YTHDC1: variants seen among roughly 807,000 people sequenced by gnomAD.
The protein encoded by YTHDC1 is YTH domain-containing protein 1.
YTHDC1 carries 12 observed loss-of-function variants against 107.0 expected under a neutral mutation model. The observed-to-expected ratio is 0.11, with a 90% confidence interval of 0.07 to 0.18. The LOEUF is 0.18. YTHDC1 is among the 10% of genes least tolerant of loss of function. YTHDC1 has a pLI of 1.00. For missense variants in YTHDC1, 635 were observed against 898.8 expected, an observed-to-expected ratio of 0.71 and a Z score of 3.75; for synonymous variants, 280 against 289.5, an observed-to-expected ratio of 0.97 and a Z score of 0.33.
chr4:68,318,504 T>G lies in YTHDC1; in HGVS notation c.1824+15A>C, dbSNP rs750184542. Reference sequence around the variant, plus strand: ...AATTAAGTTATGTAACTTATAAAAATAGAATAATACAAACCATTCCTTGCC... The same window carrying G: ...AATTAAGTTATGTAACTTATAAAAAGAGAATAATACAAACCATTCCTTGCC... On this transcript the variant is annotated intron_variant, in intron 15 of 16. Coordinates refer to ENST00000344157, the MANE Select transcript of YTHDC1 (RefSeq NM_001031732.4). The G allele has an allele frequency of 2.5e-6, 4 of 1,590,732 alleles. No individual in the cohort carries two copies. Among genetic ancestry groups the G allele is most frequent in the Non-Finnish European group, 3.4e-6 (4 of 1,170,556 alleles).
intron 9 of YTHDC1, among the ~76,000 whole-genome samples, chr4:68,324,462 C>T (rs1222746888): frequency 6.6e-6 from 1 of 152,168 alleles, no homozygotes; most frequent in African/African-American, 2.4e-5. Context: ...GGGGCTTAAA[C>T]CCCAGCCTGC....
intron 8 of YTHDC1, 32 bp from the exon 9 acceptor site, chr4:68,330,151 G>A (rs1723420878): frequency 6.3e-7 from 1 of 1,579,366 alleles, no homozygotes; most frequent in Non-Finnish European, 8.7e-7. Context: ...ATAATATGTA[G>A]ATGCTAATAT....
chr4:68,330,320 T>C lies in YTHDC1; in HGVS notation c.1123-10A>G. On this transcript the variant is annotated splice_polypyrimidine_tract_variant and intron_variant, in intron 7 of 16. Coordinates refer to ENST00000344157, the MANE Select transcript of YTHDC1 (RefSeq NM_001031732.4). ...GCGTGGACCATACACCCTACATAAA[T>C]AACATAAAGACCACAAAGTGAAATT... 10 of 1,496,366 alleles carry C rather than the reference T, an allele frequency of 6.7e-6. No individual in the cohort carries two copies. The highest frequency in any genetic ancestry group is 9.0e-6 in the Non-Finnish European group (10 of 1,113,594). The allele number at this position is 1,496,366 out of a possible 1,614,324, so 92.7% of individuals were successfully genotyped here.
intron 15 of YTHDC1, among the ~76,000 whole-genome samples, 192 bp downstream of exon 15, chr4:68,318,327 C>T (rs1165866036): frequency 2.0e-5 from 3 of 152,160 alleles, no homozygotes; most frequent in Non-Finnish European, 4.4e-5. Context: ...AGGCTGGTCT[C>T]GAACTCTTCA....
Position 68,332,833 on chromosome 4 carries a change from G to A in YTHDC1, c.988C>T (p.His330Tyr), listed in dbSNP as rs1723744041. The stretch of plus-strand genomic sequence containing the variant: ...CGAACGGAAGATGATAATTTCTCAT[G>A]CTTCTTTTCTGAACCTGTATTTAGC... ...SESYAGSEKK[H>Y]EKLSSSVRAV... The change falls in exon 6 of 17, where the codon CAT becomes TAT. Residue 330 changes from histidine (H) to tyrosine (Y), a missense_variant. His to Tyr is a moderately conservative substitution (Grantham distance 83). Coordinates refer to ENST00000344157, the MANE Select transcript of YTHDC1 (RefSeq NM_001031732.4). The A allele has an allele frequency of 6.2e-7, 1 of 1,613,062 alleles. No individual in the cohort carries two copies. The highest frequency in any genetic ancestry group is 1.7e-5 in the Admixed American group (1 of 59,944).
intron 1 of YTHDC1, among the ~76,000 whole-genome samples, chr4:68,346,251 A>C (rs1173745818): frequency 6.6e-6 from 1 of 151,848 alleles, no homozygotes; most frequent in Non-Finnish European, 1.5e-5. Flanking sequence ...CCTCGTCTCT[A>C]CTAAAAATAA....
At chr4:68,329,313 A>C (rs1386659829) in intron 9 of YTHDC1, among the ~76,000 whole-genome samples, 2 of 152,146 alleles carry the variant, frequency 1.3e-5, no homozygotes, top group African/African-American at 2.4e-5. Context: ...CATCATATGC[A>C]TAGCATTTTT....
chr4:68,319,883 T>C (rs1213662193), intron 12 of YTHDC1, among the ~76,000 whole-genome samples: 2 of 152,074 alleles, frequency 1.3e-5, no homozygotes, highest in African/African-American at 4.8e-5. Context: ...TTTGCAAAAT[T>C]AGCAATTTCA....
intron 15 of YTHDC1, among the ~76,000 whole-genome samples, chr4:68,318,224 G>A (rs1033450725): frequency 7.9e-5 from 12 of 152,032 alleles, no homozygotes; most frequent in African/African-American, 1.9e-4. Flanking sequence ...CAGCCTCCCC[G>A]AGTAGCTGGG....
At chr4:68,329,934 T>G in intron 9 of YTHDC1, 68 bp downstream of exon 9, 2 of 1,205,598 alleles carry the variant, frequency 1.7e-6, no homozygotes, top group Non-Finnish European at 2.4e-6. Context: ...TTTTTCACTT[T>G]AACACATTAT....
intron 11 of YTHDC1, among the ~76,000 whole-genome samples, chr4:68,320,734 G>T (rs1368248866): frequency 1.3e-5 from 2 of 152,004 alleles, no homozygotes; most frequent in Non-Finnish European, 2.9e-5. Flanking sequence ...AATTTTACAT[G>T]ATCATACAGA....
In YTHDC1 at chr4:68,322,906, G is replaced by T; in HGVS notation, c.1444C>A (p.Leu482Ile). 6.2e-7 allele frequency: 1 copy of T among 1,613,402 alleles called. No homozygotes were observed. The change falls in exon 11 of 17, where the codon CTT (leucine) becomes ATT (isoleucine). Residue 482 changes from leucine (L) to isoleucine (I), a missense_variant. Coordinates refer to ENST00000344157, the MANE Select transcript of YTHDC1 (RefSeq NM_001031732.4). This position sits in a 1 kb window ranked among gnomAD's most constrained non-coding sequence, Gnocchi z 4.8. The part of the protein sequence containing the change: ...KIGRDGQEIE[L>I]ECGTQLCLLF... ...AGACAAAGCTGGGTTCCACATTCAA[G>T]TTCAATTTCCTAGAATAGGAAAGTA...
intron 11 of YTHDC1, among the ~76,000 whole-genome samples, chr4:68,320,690 G>A (rs1469164941): frequency 6.6e-6 from 1 of 151,902 alleles, no homozygotes; most frequent in African/African-American, 2.4e-5. Flanking sequence ...ACAAAATTAA[G>A]AATTTATTTT....
At chr4:68,327,535 G>T (rs1723130900) in intron 9 of YTHDC1, among the ~76,000 whole-genome samples, 1 of 152,048 alleles carries the variant, frequency 6.6e-6, no homozygotes. Flanking sequence ...TCAAGATTCT[G>T]CATTTTAACA....
rs199681697 is a variant in YTHDC1 at position 68,346,092 on chromosome 4, TATATATATAC to T, written c.28+3624_28+3633del. 6.3e-3 allele frequency among the ~76,000 whole-genome samples: 868 copies of T among 137,812 alleles called. 15 individuals carry two copies. The highest frequency in any genetic ancestry group is 0.022 in the African/African-American group (823 of 37,650). The allele number at this position is 137,812 out of a possible 152,430, so 90.4% of individuals were successfully genotyped here. A position where few individuals can be genotyped will look rare whatever the true frequency, so the allele number is the denominator to read the frequency against. ...CTGTGTGTGTACATATATATATATA[TATATATATAC>T]ACACACACCTGCATGTAACCGTCTG... On this transcript the variant is annotated intron_variant, in intron 1 of 16. Coordinates refer to ENST00000344157, the MANE Select transcript of YTHDC1 (RefSeq NM_001031732.4).
Position 68,347,302 on chromosome 4 carries a change from A to G in YTHDC1, c.28+2424T>C, listed in dbSNP as rs934358180. Among the ~76,000 whole-genome samples the G allele has an allele frequency of 5.3e-5, 8 of 152,326 alleles. No individual in the cohort carries two copies. In the East Asian group the frequency reaches 1.3e-3, roughly 26 times the overall value. On this transcript the variant is annotated intron_variant, in intron 1 of 16. Coordinates refer to ENST00000344157, the MANE Select transcript of YTHDC1 (RefSeq NM_001031732.4). The stretch of plus-strand genomic sequence containing the variant: ...ATACAATTTATACAAGGTGTTTGCA[A>G]TAATAGAAAAGATGCATATTTCCTC...
intron 15 of YTHDC1, 73 bp from the exon 16 acceptor site, chr4:68,316,521 A>G: frequency 6.6e-7 from 1 of 1,523,326 alleles, no homozygotes; most frequent in Non-Finnish European, 8.9e-7. Context: ...AGAACCCTTC[A>G]TCCAAAACAC....
chr4:68,325,103 A>C (rs116050933), intron 9 of YTHDC1, among the ~76,000 whole-genome samples: 218 of 152,338 alleles, frequency 1.4e-3, no homozygotes, highest in African/African-American at 4.7e-3. Flanking sequence ...CACTTTAAAG[A>C]ACTATTCACT....
intron 15 of YTHDC1, among the ~76,000 whole-genome samples, chr4:68,316,775 A>G (rs149733335): frequency 7.8e-4 from 119 of 152,334 alleles, no homozygotes; most frequent in African/African-American, 2.8e-3. Context: ...TGAGATAGAT[A>G]CTATTGTTCC....
Sources: gnomAD v4.1 joint callset for allele counts (sites outside exome capture counted in the v4.1 genomes callset) on GRCh38, gnomAD v4.1.1 for gene constraint, Gnocchi (gnomAD v3.1) non-coding constraint, MANE v1.5 for transcripts, NCBI Gene and HGNC (gene_info 2026-07-23, HGNC 2026-07-21) for gene names.